The following CNIH3 variants were observed in gnomAD, a reference collection of about 807,000 sequenced individuals.
CNIH3 encodes cornichon family AMPA receptor auxiliary protein 3.
In CNIH3, 14 loss-of-function variants were observed where a neutral mutation model predicts 24.1. The ratio of observed to expected loss-of-function variants is 0.58; its 90% CI spans 0.38 to 0.91. The LOEUF (loss-of-function observed/expected upper bound fraction) is 0.91, where lower values mean the gene tolerates loss of function less well. Among genes scored for constraint, CNIH3 ranks in the 40% least tolerant of loss-of-function variants. The probability of loss-of-function intolerance (pLI) is 0.00; values close to 1 mark genes in which losing one functional copy is unlikely to be tolerated. For synonymous variants in CNIH3, 68 were observed against 73.8 expected, an observed-to-expected ratio of 0.92 and a Z score of 0.40; for missense variants, 178 against 196.8, an observed-to-expected ratio of 0.90 and a Z score of 0.57.
intron 1 of CNIH3, chr1:224,459,173 CTCTT>C: frequency 2.2e-6 from 2 of 924,570 alleles, no homozygotes; most frequent in Non-Finnish European, 2.5e-6. Flanking sequence ...TTGCCTTCCC[CTCTT>C]TCTTCCTTCT....
chr1:224,616,880 G>A lies in CNIH3; in HGVS notation c.-295G>A. 2 of 1,257,554 alleles carry A rather than the reference G, an allele frequency of 1.6e-6. No individual in the cohort carries two copies. Among genetic ancestry groups the A allele is most frequent in the South Asian group, 2.6e-5 (1 of 39,020 alleles). 77.9% of individuals were successfully genotyped at this position (1,257,554 alleles called of 1,614,324 possible). A position where few individuals can be genotyped will look rare whatever the true frequency, so the allele number is the denominator to read the frequency against. On this transcript the variant is annotated 5_prime_UTR_variant, in exon 1 of 6. The change creates a new upstream start codon in the 5' untranslated region. Transcript: ENST00000272133. ...CTCACAGCTTGGCACTAATTTGCAG[G>A]TGTTCGCTGCTGATTTGGTTTCTTC...
At chr1:224,659,348 C>T (rs1685236824) in intron 1 of CNIH3, among the ~76,000 whole-genome samples, 1 of 152,148 alleles carries the variant, frequency 6.6e-6, no homozygotes, top group East Asian at 1.9e-4. Flanking sequence ...AACCTTAATT[C>T]TTTTAAATTT....
intron 3 of CNIH3, among the ~76,000 whole-genome samples, chr1:224,557,597 C>A (rs1680196167): frequency 6.6e-6 from 1 of 152,200 alleles, no homozygotes; most frequent in South Asian, 2.1e-4. Context: ...TCCGGGACTA[C>A]AGGCACGTGC....
chr1:224,551,415 C>G (rs1418828847), intron 3 of CNIH3, among the ~76,000 whole-genome samples: 1 of 152,072 alleles, frequency 6.6e-6, no homozygotes, highest in African/African-American at 2.4e-5. Context: ...AGTTCATGTC[C>G]TTTGTAGGAA....
chr1:224,435,066 C>T (rs574673620), intron 1 of CNIH3: 1 of 985,674 alleles, frequency 1.0e-6, no homozygotes. Context: ...AAGTTCGTAG[C>T]CGCCCTCCGA....
At chr1:224,698,842 C>G (rs1348024054) in intron 3 of CNIH3, among the ~76,000 whole-genome samples, 1 of 152,070 alleles carries the variant, frequency 6.6e-6, no homozygotes, top group African/African-American at 2.4e-5. Context: ...GCCAGTAATG[C>G]TTTGCTGATG....
In CNIH3 at chr1:224,609,277, T is replaced by C. The variant is rs1428982775; in HGVS notation, n.402+43013T>C. On this transcript the variant is annotated intron_variant and non_coding_transcript_variant, in intron 3 of 7. Coordinates refer to the CNIH3 transcript ENST00000478120. ...CTAACAGTTGCTGAATCCAGATAGG[T>C]AGATGAATGTTCACTAAACTCTCTA... Among the ~76,000 whole-genome samples the C allele has an allele frequency of 2.0e-5, 3 of 152,116 alleles. No homozygotes were observed. The East Asian group carries it at 5.8e-4, about 29-fold the overall frequency.
At chr1:224,627,124 G>A (rs994126191) in intron 1 of CNIH3, among the ~76,000 whole-genome samples, 43 of 152,300 alleles carry the variant, frequency 2.8e-4, no homozygotes, top group African/African-American at 8.7e-4. Context: ...CGTGTTGAGC[G>A]CATGACTGAT....
chr1:224,445,063 A>G (rs947116461), intron 1 of CNIH3, among the ~76,000 whole-genome samples: 2 of 152,010 alleles, frequency 1.3e-5, no homozygotes, highest in African/African-American at 4.8e-5. Context: ...ACCATCACCC[A>G]GGTCATGAAA....
chr1:224,554,742 A>G (rs1680066035), intron 3 of CNIH3, among the ~76,000 whole-genome samples: 3 of 151,902 alleles, frequency 2.0e-5, no homozygotes, highest in Non-Finnish European at 4.4e-5. Flanking sequence ...TGCCACCATG[A>G]CCAGATAATA....
chr1:224,490,439 C>A (rs972628482), intron 1 of CNIH3, among the ~76,000 whole-genome samples: 5 of 152,118 alleles, frequency 3.3e-5, no homozygotes, highest in African/African-American at 9.7e-5. Context: ...CCCTCTGCTC[C>A]CCCATGGGAT....
chr1:224,543,422 A>G (rs529025042), intron 2 of CNIH3, among the ~76,000 whole-genome samples: 3 of 152,164 alleles, frequency 2.0e-5, no homozygotes, highest in Non-Finnish European at 4.4e-5. Flanking sequence ...CTAACAATTA[A>G]CAAACCTGAG....
intron 3 of CNIH3, among the ~76,000 whole-genome samples, chr1:224,718,028 G>A (rs553798645): frequency 6.6e-6 from 1 of 152,270 alleles, no homozygotes; most frequent in Admixed American, 6.5e-5. Flanking sequence ...AAATTGCACC[G>A]TGTGCCAGCC....
At chr1:224,598,215 T>C (rs1682067333) in intron 3 of CNIH3, among the ~76,000 whole-genome samples, 1 of 152,194 alleles carries the variant, frequency 6.6e-6, no homozygotes, top group African/African-American at 2.4e-5. Context: ...GGTTCAAGAC[T>C]TCAGTGGAGG....
intron 4 of CNIH3, among the ~76,000 whole-genome samples, chr1:224,568,180 C>T (rs1257682455): frequency 6.6e-6 from 1 of 152,060 alleles, no homozygotes; most frequent in Non-Finnish European, 1.5e-5. Context: ...ATCCCAGCTA[C>T]TCTGGAGGCT....
chr1:224,569,088 G>A (rs1462272129), intron 4 of CNIH3, among the ~76,000 whole-genome samples: 1 of 152,110 alleles, frequency 6.6e-6, no homozygotes, highest in Non-Finnish European at 1.5e-5. Flanking sequence ...GGCTGGTCTC[G>A]AACTCCCAAC....
intron 1 of CNIH3, among the ~76,000 whole-genome samples, chr1:224,617,770 G>C (rs1244376781): frequency 1.3e-5 from 2 of 152,322 alleles, no homozygotes; most frequent in East Asian, 3.9e-4. Flanking sequence ...GAGACCAGGC[G>C]ATGGGGGTCG....
intron 3 of CNIH3, among the ~76,000 whole-genome samples, chr1:224,700,527 T>C (rs1286191713): frequency 1.3e-5 from 2 of 152,236 alleles, no homozygotes; most frequent in African/African-American, 4.8e-5. Flanking sequence ...AGTGAGTTTC[T>C]GGGTTTTAAT....
chr1:224,670,204 A>G (rs970390845), intron 1 of CNIH3, among the ~76,000 whole-genome samples: 1 of 152,112 alleles, frequency 6.6e-6, no homozygotes, highest in Non-Finnish European at 1.5e-5. Context: ...TGTTAGGGAG[A>G]GAGAGGCATG....
Sources: gnomAD v4.1 joint callset for allele counts (sites outside exome capture counted in the v4.1 genomes callset) on GRCh38, gnomAD v4.1.1 for gene constraint, MANE v1.5 for transcripts, NCBI Gene and HGNC (gene_info 2026-07-23, HGNC 2026-07-21) for gene names.